TNFRSF13B: variants seen among roughly 807,000 people sequenced by gnomAD.
TNFRSF13B encodes the protein TNF receptor superfamily member 13B, also known as tumor necrosis factor receptor superfamily member 13B.
Under a neutral mutation model 24.0 loss-of-function variants are expected in TNFRSF13B, and 34 were observed. The ratio of observed to expected loss-of-function variants is 1.41; its 90% CI spans 1.08 to 1.88. The LOEUF is 1.88. TNFRSF13B is among the 40% of genes most tolerant of loss of function. TNFRSF13B has a pLI of 0.00. For missense variants in TNFRSF13B, 415 were observed against 380.8 expected (o/e 1.09, Z -0.75); for synonymous variants, 173 against 150.3 (o/e 1.15, Z -1.10).
Position 16,970,050 on chromosome 17 carries a change from CAGAG to C in TNFRSF13B, c.61+1961_61+1964del, listed in dbSNP as rs1241576718. Among the ~76,000 whole-genome samples, 4 of 152,290 alleles carry C rather than the reference CAGAG, an allele frequency of 2.6e-5. No individual in the cohort carries two copies. The East Asian group carries it at 5.8e-4, about 22-fold the overall frequency. ...AGCCACCAAAAGCCACTGGACCTGA[CAGAG>C]AGACAGTGCCTGACTGACCAGACAG... is the stretch of plus-strand genomic sequence containing the variant. On this transcript the variant is annotated intron_variant, in intron 1 of 4. Transcript: ENST00000261652.
At chr17:16,968,674 T>C (rs1391580438) in intron 1 of TNFRSF13B, among the ~76,000 whole-genome samples, 3 of 152,166 alleles carry the variant, frequency 2.0e-5, no homozygotes, top group Non-Finnish European at 2.9e-5. Context: ...AATGTGCGTG[T>C]GATAGAAGAG....
chr17:16,940,387 C>T lies in TNFRSF13B; in HGVS notation c.570G>A (p.Gly190=), dbSNP rs199810075. 1.0e-4 allele frequency: 163 copies of T among 1,614,044 alleles called. 1 individual carries two copies. The highest frequency in any genetic ancestry group is 1.3e-4 in the East Asian group (6 of 44,880). The change falls in exon 4 of 5, where the codon GGG becomes GGA. Residue 190 remains glycine (G), a synonymous_variant. Transcript: ENST00000261652. ...VAVACFLKKR[G]DPCSCQPRSR... ...AGCGGGGCTGGCAGGAGCAGGGATC[C>T]CCCCTCTTCTTGAGGAAGCAGGCCA...
chr17:16,943,769 G>A (rs1293403579), intron 3 of TNFRSF13B, among the ~76,000 whole-genome samples: 3 of 152,186 alleles, frequency 2.0e-5, no homozygotes. Flanking sequence ...CATGTTGGGG[G>A]ACAGGGTCCT....
rs2143640004 is a variant in TNFRSF13B, at chr17:16,939,664, A to G, written c.765T>C (p.Cys255=). The G allele has an allele frequency of 6.2e-7, 1 of 1,612,218 alleles. No homozygotes were observed. The highest frequency in any genetic ancestry group is 8.5e-7 in the Non-Finnish European group (1 of 1,178,674). ...AVTPGTPDPT[C]AGRWGCHTRT... Reference sequence around the variant, plus strand: ...TGGTGTGGCACCCCCACCTTCCAGCACAAGTGGGGTCGGGGGTCCCAGGCG... The same window carrying G: ...TGGTGTGGCACCCCCACCTTCCAGCGCAAGTGGGGTCGGGGGTCCCAGGCG... The change falls in exon 5 of 5, where the codon TGT becomes TGC. Residue 255 remains cysteine (C), a synonymous_variant. Transcript: ENST00000261652.
intron 1 of TNFRSF13B, among the ~76,000 whole-genome samples, chr17:16,955,226 G>C (rs2087616584): frequency 6.6e-6 from 1 of 152,162 alleles, no homozygotes; most frequent in South Asian, 2.1e-4. Flanking sequence ...CCTGATATGG[G>C]AGCACTGCCT....
intron 2 of TNFRSF13B, among the ~76,000 whole-genome samples, chr17:16,951,742 G>A (rs545138622): frequency 2.4e-4 from 36 of 152,256 alleles, no homozygotes; most frequent in African/African-American, 4.8e-4. Flanking sequence ...TACAAAATTA[G>A]CCGGGTGTGG....
chr17:16,952,463 G>A lies in TNFRSF13B; in HGVS notation c.182C>T (p.Thr61Ile), dbSNP rs752511316. The change falls in exon 2 of 5, where the codon ACC (threonine) becomes ATC (isoleucine). Residue 61 changes from threonine (T) to isoleucine (I), a missense_variant. By Grantham distance (89) the Thr-to-Ile change is moderately conservative (BLOSUM62 -1). Transcript: ENST00000261652. ...KTICNHQSQR[T>I]CAAFCRSLSC... The stretch of plus-strand genomic sequence containing the variant: ...GAACTCACTGCAGAAGGCTGCACAG[G>A]TGCGCTGGCTCTGATGGTTGCAAAT... The A allele has an allele frequency of 4.3e-6, 7 of 1,614,148 alleles. No homozygotes were observed. Among genetic ancestry groups the A allele is most frequent in the African/African-American group, 1.3e-5 (1 of 75,054 alleles).
intron 3 of TNFRSF13B, among the ~76,000 whole-genome samples, chr17:16,948,334 C>T (rs1442927399): frequency 6.6e-6 from 1 of 151,460 alleles, no homozygotes; most frequent in East Asian, 1.9e-4. Flanking sequence ...ACCCCCGGAT[C>T]TAAAAAAAAA....
intron 1 of TNFRSF13B, among the ~76,000 whole-genome samples, chr17:16,966,832 C>CTTTTTTTTTTTTTTTTTTTTTTTT (rs796602708): frequency 1.0e-5 from 1 of 95,848 alleles, no homozygotes; most frequent in South Asian, 3.6e-4. Context: ...TTTTCTTTTT[C>CTTTTTTTTTTTTTTTTTTTTTTTT]TTTTTTCTTT....
chr17:16,942,635 G>A (rs1031997314), intron 3 of TNFRSF13B, among the ~76,000 whole-genome samples: 4 of 152,212 alleles, frequency 2.6e-5, no homozygotes, highest in Admixed American at 2.6e-4. Context: ...TGCCCTGGAG[G>A]CATGAGCAGG....
At chr17:16,969,880 T>C (rs187303859) in intron 1 of TNFRSF13B, among the ~76,000 whole-genome samples, 4 of 152,148 alleles carry the variant, frequency 2.6e-5, no homozygotes, top group Admixed American at 6.5e-5. Context: ...TCTCCCCACT[T>C]TTGGGTTGGG....
rs542348198 is a variant in TNFRSF13B, at chr17:16,943,783, C to A, written c.446-3272G>T. On this transcript the variant is annotated intron_variant, in intron 3 of 4. Coordinates refer to ENST00000261652, the MANE Select transcript of TNFRSF13B (RefSeq NM_012452.3). ...CCATGTTGGGGGACAGGGTCCTGCC[C>A]TTGGTGCTTTTCCTCGTCTTCTGCC... Among the ~76,000 whole-genome samples, 6 of 152,338 alleles carry A rather than the reference C, an allele frequency of 3.9e-5. No homozygotes were observed. In the East Asian group the frequency reaches 7.7e-4, roughly 20 times the overall value.
chr17:16,950,297 A>G (rs1275824361), intron 2 of TNFRSF13B, among the ~76,000 whole-genome samples: 1 of 152,110 alleles, frequency 6.6e-6, no homozygotes, highest in African/African-American at 2.4e-5. Flanking sequence ...CATTTCCAAC[A>G]TAGGGAAAAT....
chr17:16,946,590 TTA>T (rs202244835), intron 3 of TNFRSF13B, among the ~76,000 whole-genome samples: 2 of 144,876 alleles, frequency 1.4e-5, no homozygotes, highest in Admixed American at 7.0e-5. Flanking sequence ...ATTTATTTAT[TTA>T]TTTATTTTTT....
Position 16,948,776 on chromosome 17 carries a change from TACC to T in TNFRSF13B, c.404_406del (p.Arg135_Tyr136delinsAsn). The stretch of plus-strand genomic sequence containing the variant: ...TGAGCCTCTGTGCTCCAATCCTTGG[TACC>T]TTCCCGAGTTGTCTGAATTGTTTTC... On this transcript the variant is annotated inframe_deletion, in exon 3 of 5. Transcript: ENST00000261652. 2 of 1,614,226 alleles carry T rather than the reference TACC, an allele frequency of 1.2e-6. No homozygotes were observed. Among genetic ancestry groups the T allele is most frequent in the Non-Finnish European group, 1.7e-6 (2 of 1,180,036 alleles).
intron 4 of TNFRSF13B, 142 bp from the exon 5 acceptor site, chr17:16,939,939 G>T (rs1029826773): frequency 1.6e-6 from 2 of 1,223,290 alleles, no homozygotes; most frequent in Non-Finnish European, 2.2e-6. Context: ...AGGTGTCAGT[G>T]TCCGCCAGTT....
intron 1 of TNFRSF13B, among the ~76,000 whole-genome samples, chr17:16,964,337 CTTT>C (rs71355533): frequency 1.4e-3 from 113 of 79,804 alleles, no homozygotes; most frequent in African/African-American, 4.8e-3. Context: ...ATCTCCATGC[CTTT>C]TTTTTTTTTT....
rs2087491681 is a variant in TNFRSF13B, at chr17:16,939,577, C to T, written c.852G>A (p.Val284=). The change falls in exon 5 of 5, where the codon GTG becomes GTA. Residue 284 remains valine, a synonymous_variant. Transcript: ENST00000261652. ...CACCTGGGCCCCCCTCCTGGGCAGG[C>T]ACACACACAATGCCAAGGCCACTGT... The part of the protein sequence containing the change: ...IPDSGLGIVC[V]PAQEGGPGA 1 of 1,613,476 alleles carries T rather than the reference C, an allele frequency of 6.2e-7. No individual in the cohort carries two copies. The highest frequency in any genetic ancestry group is 2.2e-5 in the East Asian group (1 of 44,866).
rs1211915173 is a variant in TNFRSF13B at position 16,939,426 on chromosome 17, C to G, written c.*121G>C. ...CTCTCCCTCTCTGTCTCCTCTGTTT[C>G]TCTCCCTCTCTGCCTCCTCTGTCTC... On this transcript the variant is annotated 3_prime_UTR_variant, in exon 5 of 5. Transcript: ENST00000261652. 1.6e-6 allele frequency: 2 copies of G among 1,217,892 alleles called. No homozygotes were observed. Among genetic ancestry groups the G allele is most frequent in the Non-Finnish European group, 2.3e-6 (2 of 886,864 alleles). 75.4% of individuals were successfully genotyped at this position (1,217,892 alleles called of 1,614,324 possible).
Sources: allele counts gnomAD v4.1 joint callset (sites outside exome capture counted in the v4.1 genomes callset), GRCh38; gene constraint gnomAD v4.1.1; transcripts MANE v1.5; gene names NCBI Gene and HGNC (gene_info 2026-07-23, HGNC 2026-07-21).